Variants in PACRGL observed in about 807,000 individuals in gnomAD.
PACRGL encodes the protein parkin coregulated like, also known as PACRG-like protein.
A neutral mutation model predicts 34.5 loss-of-function variants in PACRGL; 38 were observed. The ratio of observed to expected loss-of-function variants is 1.10; its 90% confidence interval spans 0.85 to 1.44. The LOEUF (loss-of-function observed/expected upper bound fraction) is 1.44. Among genes scored for constraint, PACRGL ranks in the 40% most tolerant of loss-of-function variants. PACRGL has a pLI of 0.00. For synonymous variants in PACRGL, 128 were observed against 100.1 expected, an observed-to-expected ratio of 1.28 and a Z score of -1.66; for missense variants, 305 against 281.4, an observed-to-expected ratio of 1.08 and a Z score of -0.60.
chr4:20,749,629 A>C, intron 8 of PACRGL: 2 of 1,450,618 alleles, frequency 1.4e-6, no homozygotes, highest in Non-Finnish European at 1.9e-6. Context: ...AACTCTAAAT[A>C]GTCAAATGAT....
At chr4:20,710,754 A>G (rs908100890) in intron 5 of PACRGL, among the ~76,000 whole-genome samples, 2 of 152,184 alleles carry the variant, frequency 1.3e-5, no homozygotes, top group South Asian at 2.1e-4. Flanking sequence ...TAATTCTCCA[A>G]ATATGTTTAC....
chr4:20,729,964 T>A lies in PACRGL; in HGVS notation c.*2623T>A, dbSNP rs1338980833. Reference sequence around the variant, plus strand: ...TTGCTTTATATTAAAACAAAGCTTGTTTGCATAATATGCTTCAGTGTCAAG... The same window carrying A: ...TTGCTTTATATTAAAACAAAGCTTGATTGCATAATATGCTTCAGTGTCAAG... On this transcript the variant is annotated 3_prime_UTR_variant, in exon 9 of 9. Coordinates refer to ENST00000503585, the MANE Select transcript of PACRGL (RefSeq NM_001258345.3). 16 of 1,202,860 alleles carry A rather than the reference T, an allele frequency of 1.3e-5. No individual in the cohort carries two copies. The allele number at this position is 1,202,860 out of a possible 1,614,324, so 74.5% of individuals were successfully genotyped here.
At chr4:20,735,530 GTTTT>G (rs10542507), downstream of PACRGL, among the ~76,000 whole-genome samples, 69 of 109,714 alleles carry the variant, frequency 6.3e-4, no homozygotes, top group African/African-American at 2.0e-3. Context: ...TTTTTTTTTT[GTTTT>G]TTTTTTTTTT....
the PACRGL span, among the ~76,000 whole-genome samples, chr4:20,762,258 T>C: frequency 2.6e-5 from 4 of 152,270 alleles, no homozygotes; most frequent in South Asian, 8.3e-4. Context: ...GACACTTATC[T>C]AATTCATGAA....
chr4:20,740,111 G>T (rs1277678339), intron 8 of PACRGL, among the ~76,000 whole-genome samples: 1 of 152,156 alleles, frequency 6.6e-6, no homozygotes, highest in Non-Finnish European at 1.5e-5. Flanking sequence ...ACGTCTGATT[G>T]GTGTACCTGA....
intron 4 of PACRGL, among the ~76,000 whole-genome samples, chr4:20,708,575 A>AC (rs1253892271): frequency 3.3e-5 from 5 of 152,020 alleles, no homozygotes; most frequent in African/African-American, 1.2e-4. Flanking sequence ...CTGAATTGAA[A>AC]CCCTATTTAA....
chr4:20,703,424 G>A (rs552914754), intron 1 of PACRGL, among the ~76,000 whole-genome samples: 10 of 152,038 alleles, frequency 6.6e-5, no homozygotes, highest in Middle Eastern at 6.8e-3. Flanking sequence ...AGGCTTCATG[G>A]AAGTTGGGAA....
intron 4 of PACRGL, among the ~76,000 whole-genome samples, chr4:20,708,317 A>G (rs1735499999): frequency 6.6e-6 from 1 of 152,194 alleles, no homozygotes; most frequent in Non-Finnish European, 1.5e-5. Context: ...CTTTAAAAAA[A>G]AAATACTACA....
At chr4:20,726,770 G>A (rs1249095985) in intron 8 of PACRGL, among the ~76,000 whole-genome samples, 1 of 152,110 alleles carries the variant, frequency 6.6e-6, no homozygotes, top group Non-Finnish European at 1.5e-5. Context: ...GCCTTAAATT[G>A]AAATCAGTTC....
chr4:20,760,342 A>G, the PACRGL span, among the ~76,000 whole-genome samples: 4 of 152,152 alleles, frequency 2.6e-5, no homozygotes, highest in Admixed American at 2.0e-4. Flanking sequence ...TGTGTACTCT[A>G]AATTTGATAC....
intron 7 of PACRGL, among the ~76,000 whole-genome samples, chr4:20,720,926 A>G (rs1742776753): frequency 6.6e-6 from 1 of 152,088 alleles, no homozygotes; most frequent in African/African-American, 2.4e-5. Flanking sequence ...GTGTTTTCCA[A>G]CTTGGTTCCA....
intron 7 of PACRGL, among the ~76,000 whole-genome samples, chr4:20,715,330 G>A (rs555689708): frequency 1.1e-4 from 17 of 151,882 alleles, no homozygotes; most frequent in Non-Finnish European, 2.5e-4. Context: ...GCTAAATGAC[G>A]AGTTAATGGG....
chr4:20,754,873 A>G (rs181263599), downstream of PACRGL, among the ~76,000 whole-genome samples: 710 of 152,346 alleles, frequency 4.7e-3, 5 homozygotes, highest in Middle Eastern at 0.024. Context: ...TGATTGAAAA[A>G]TAACTTAAAG....
chr4:20,696,841 C>T (rs1015279714), upstream of PACRGL, among the ~76,000 whole-genome samples: 1 of 152,168 alleles, frequency 6.6e-6, no homozygotes, highest in Non-Finnish European at 1.5e-5. Context: ...AAAATACACA[C>T]CAACTTTTGA....
intron 8 of PACRGL, among the ~76,000 whole-genome samples, chr4:20,726,348 T>G (rs1172618452): frequency 6.6e-6 from 1 of 152,174 alleles, no homozygotes; most frequent in Non-Finnish European, 1.5e-5. Context: ...TAAAAAAGAT[T>G]TTGTAGCTAC....
intron 8 of PACRGL, among the ~76,000 whole-genome samples, chr4:20,738,267 T>A (rs571115710): frequency 3.5e-4 from 53 of 152,314 alleles, no homozygotes; most frequent in African/African-American, 1.3e-3. Flanking sequence ...TAAACGATAT[T>A]TTTAAAAATT....
At chr4:20,704,001 A>G (rs1733438041) in intron 1 of PACRGL, among the ~76,000 whole-genome samples, 1 of 152,126 alleles carries the variant, frequency 6.6e-6, no homozygotes, top group South Asian at 2.1e-4. Context: ...CAGTTTAAGG[A>G]GCTTGTGATA....
intron 3 of PACRGL, among the ~76,000 whole-genome samples, chr4:20,707,440 T>G (rs1415840062): frequency 6.6e-6 from 1 of 152,226 alleles, no homozygotes; most frequent in African/African-American, 2.4e-5. Context: ...TGTATTTGGC[T>G]GAAGCACAAA....
intron 1 of PACRGL, chr4:20,701,967 C>T: frequency 8.8e-6 from 4 of 454,186 alleles, no homozygotes; most frequent in South Asian, 4.7e-5. Flanking sequence ...GGGATGTAGA[C>T]GTGTTTGCAT....
Sources: allele counts gnomAD v4.1 joint callset (sites outside exome capture counted in the v4.1 genomes callset), GRCh38; gene constraint gnomAD v4.1.1; transcripts MANE v1.5; gene names NCBI Gene and HGNC (gene_info 2026-07-23, HGNC 2026-07-21).